The following NLRP11 variants were observed in gnomAD, a reference collection of about 807,000 sequenced individuals.
NLRP11 encodes NACHT, LRR and PYD domains-containing protein 11.
In NLRP11, 53 loss-of-function variants were observed where a neutral mutation model predicts 79.3. The observed-to-expected ratio is 0.67, with a 90% confidence interval of 0.54 to 0.84. The LOEUF (loss-of-function observed/expected upper bound fraction) is 0.84. Ranked by LOEUF, NLRP11 falls within the 40% of genes least tolerant of loss-of-function variation. The probability of loss-of-function intolerance (pLI) is 0.00; values close to 1 mark genes in which losing one functional copy is unlikely to be tolerated. For missense variants in NLRP11, 1,264 were observed against 1,255.0 expected, an observed-to-expected ratio of 1.01 and a Z score of -0.11; for synonymous variants, 518 against 462.6, an observed-to-expected ratio of 1.12 and a Z score of -1.54.
intron 5 of NLRP11, among the ~76,000 whole-genome samples, chr19:55,796,725 C>T (rs960889180): frequency 4.7e-5 from 7 of 150,028 alleles, no homozygotes; most frequent in South Asian, 2.1e-4. Context: ...CTTGCTCTGT[C>T]GCCCAGGCTG....
exon 7 of NLRP11, chr19:55,792,442 C>G (rs1415366146): frequency 6.2e-7 from 1 of 1,614,110 alleles, no homozygotes; most frequent in Admixed American, 1.7e-5. Flanking sequence ...GGCGCTGCAG[C>G]AATTTTCAGT....
intron 9 of NLRP11, 46 bp downstream of exon 9, chr19:55,788,761 A>G (rs1568625593): frequency 8.3e-7 from 1 of 1,202,272 alleles, no homozygotes; most frequent in East Asian, 2.6e-5. Context: ...AAAAAAAAAA[A>G]AAAAAAAAGA....
intron 2 of NLRP11, among the ~76,000 whole-genome samples, chr19:55,814,214 A>G (rs1980870049): frequency 6.6e-6 from 1 of 152,138 alleles, no homozygotes. Flanking sequence ...CCTTATGAGA[A>G]TCTAATGCCT....
intron 6 of NLRP11, among the ~76,000 whole-genome samples, chr19:55,794,332 T>TAC (rs1256684801): frequency 1.3e-5 from 2 of 152,208 alleles, no homozygotes; most frequent in African/African-American, 2.4e-5. Context: ...AAAAAATATC[T>TAC]ATTTGGAGTC....
At chr19:55,833,765 C>CAAAAAAAAAA (rs71182919), upstream of NLRP11, among the ~76,000 whole-genome samples, 1 of 23,488 alleles carries the variant, frequency 4.3e-5, no homozygotes. Context: ...GACTCCGTCT[C>CAAAAAAAAAA]AAAAAAAAAA....
rs1299544382 is a variant in NLRP11 at position 55,792,283 on chromosome 19, C to A, written c.2513+18G>T. On this transcript the variant is annotated intron_variant, in intron 7 of 9. Transcript: ENST00000589093. ...GCAGTAGAAACACAGTCATCCAGGA[C>A]AACTGTGGGAGACTTACTGAAGCTC... The A allele has an allele frequency of 1.2e-6, 2 of 1,607,086 alleles. No homozygotes were observed. The highest frequency in any genetic ancestry group is 1.1e-5 in the South Asian group (1 of 90,582).
At chr19:55,800,329 G>C (rs1452516906) in intron 5 of NLRP11, among the ~76,000 whole-genome samples, 1 of 152,132 alleles carries the variant, frequency 6.6e-6, no homozygotes, top group Non-Finnish European at 1.5e-5. Context: ...TATTGAGATG[G>C]AGTTTTGCTC....
rs775119115 is a variant in NLRP11 at position 55,809,908 on chromosome 19, T to C, written c.702A>G (p.Ile234Met). The C allele has an allele frequency of 1.2e-6, 2 of 1,614,148 alleles. No individual in the cohort carries two copies. Among genetic ancestry groups the C allele is most frequent in the Admixed American group, 1.7e-5 (1 of 60,026 alleles). Residue 234 changes from isoleucine to methionine, a missense_variant, in exon 3 of 10, where the codon ATA (isoleucine) becomes ATG (methionine). Physicochemically the swap from Ile to Met is conservative, Grantham distance 10. Transcript: ENST00000589093. The surrounding 1 kb of genome is among the most constrained non-coding windows in gnomAD (Gnocchi z 4.5). ...TTTCATTGACATTTAACTCGAATCT[T>C]ATGTTGTCCAAGTCCTCGAGGATGA...
chr19:55,833,593 C>T (rs111493299), upstream of NLRP11, among the ~76,000 whole-genome samples: 4 of 151,534 alleles, frequency 2.6e-5, no homozygotes, highest in South Asian at 2.1e-4. Context: ...GTGAAACCCC[C>T]GTCTCTACCA....
intron 6 of NLRP11, among the ~76,000 whole-genome samples, chr19:55,793,188 A>AC (rs1555801500): frequency 3.3e-5 from 5 of 151,858 alleles, no homozygotes; most frequent in Non-Finnish European, 5.9e-5. Context: ...CCGAATCTCT[A>AC]TTTTTTTTAA....
At chr19:55,795,647 G>A (rs920811776) in intron 6 of NLRP11, among the ~76,000 whole-genome samples, 7 of 151,924 alleles carry the variant, frequency 4.6e-5, no homozygotes, top group East Asian at 1.9e-4. Flanking sequence ...CCGCCACCAC[G>A]CCCGGCTAAT....
At chr19:55,786,836 T>C (rs1332896413) in intron 9 of NLRP11, among the ~76,000 whole-genome samples, 2 of 152,136 alleles carry the variant, frequency 1.3e-5, no homozygotes, top group African/African-American at 2.4e-5. Flanking sequence ...AGAAGAGCCC[T>C]GGGGAGGAAA....
intron 5 of NLRP11, among the ~76,000 whole-genome samples, chr19:55,799,294 C>T (rs749366301): frequency 2.6e-4 from 39 of 152,116 alleles, no homozygotes; most frequent in Non-Finnish European, 4.1e-4. Flanking sequence ...GATATCTCTA[C>T]AAATACTTCA....
Position 55,807,959 on chromosome 19 carries a change from CCATTGTATAAAAAA to C in NLRP11, c.1883_1896del (p.Leu628ArgfsTer10). On this transcript the variant is annotated frameshift_variant, in exon 4 of 10. Coordinates refer to ENST00000589093, the Ensembl canonical transcript of NLRP11. LOFTEE classifies it high-confidence loss of function. ...AAGATATGCAGCTCCCGGAGGCTCTCCATTGTATAAAAAAGAGAGCAGATCTCTCTCCAGTAGAC... is the reference window on the plus strand; with the variant it reads ...AAGATATGCAGCTCCCGGAGGCTCTCGAGAGCAGATCTCTCTCCAGTAGAC... The C allele has an allele frequency of 6.2e-7, 1 of 1,611,988 alleles. No individual in the cohort carries two copies. Among genetic ancestry groups the C allele is most frequent in the South Asian group, 1.1e-5 (1 of 91,020 alleles).
intron 4 of NLRP11, among the ~76,000 whole-genome samples, chr19:55,802,678 A>G (rs921365092): frequency 2.0e-5 from 3 of 152,224 alleles, no homozygotes; most frequent in African/African-American, 7.2e-5. Flanking sequence ...GTTCATATAG[A>G]ACAAAAAAAG....
At chr19:55,815,543 AAAG>A (rs1981034466) in intron 2 of NLRP11, among the ~76,000 whole-genome samples, 1 of 151,988 alleles carries the variant, frequency 6.6e-6, no homozygotes, top group African/African-American at 2.4e-5. Flanking sequence ...AAAAAAAAAA[AAAG>A]AATTTAGCAA....
intron 2 of NLRP11, among the ~76,000 whole-genome samples, chr19:55,815,346 T>C (rs899973882): frequency 2.0e-5 from 3 of 151,972 alleles, no homozygotes; most frequent in South Asian, 2.1e-4. Context: ...CTGGCCAACA[T>C]AGTGAAACCC....
rs768890055 is a variant in NLRP11, at chr19:55,796,088, T to C, written c.2334A>G (p.Ile778Met). The change falls in exon 6 of 10, where the codon ATA becomes ATG. Residue 778 changes from isoleucine (I) to methionine (M), a missense_variant. By Grantham distance (10) the Ile-to-Met change is conservative. Coordinates refer to ENST00000589093, the Ensembl canonical transcript of NLRP11. ...CGTCTAAGCCAACTTACACCAGTGATATAAGAGTGCAGTTGGGATGAAGCA... is the reference window on the plus strand; with the variant it reads ...CGTCTAAGCCAACTTACACCAGTGACATAAGAGTGCAGTTGGGATGAAGCA... 3.1e-6 allele frequency: 5 copies of C among 1,612,350 alleles called. No individual in the cohort carries two copies. The East Asian group carries it at 1.1e-4, about 36-fold the overall frequency.
chr19:55,821,262 A>C (rs2616949), intron 1 of NLRP11, among the ~76,000 whole-genome samples: 36,302 of 148,908 alleles, frequency 0.24, 5,770 homozygotes, highest in African/African-American at 0.45. Context: ...CCAAGCACTG[A>C]GTTTGTAATG....
Sources: allele counts gnomAD v4.1 joint callset (sites outside exome capture counted in the v4.1 genomes callset), GRCh38; gene constraint gnomAD v4.1.1; non-coding constraint Gnocchi (gnomAD v3.1); transcripts MANE v1.5; gene names NCBI Gene and HGNC (gene_info 2026-07-23, HGNC 2026-07-21).